SOX6: variants seen among roughly 807,000 people sequenced by gnomAD.
SOX6 encodes the protein transcription factor SOX-6.
In SOX6, 11 loss-of-function variants were observed where a neutral mutation model predicts 97.8. The ratio of observed to expected loss-of-function variants is 0.11; its 90% CI spans 0.07 to 0.19. The LOEUF (loss-of-function observed/expected upper bound fraction) is 0.19, where lower values mean the gene tolerates loss of function less well. Among genes scored for constraint, SOX6 ranks in the 10% least tolerant of loss-of-function variants. SOX6 has a pLI of 1.00. For missense variants in SOX6, 810 were observed against 1,039.5 expected, an observed-to-expected ratio of 0.78 and a Z score of 3.04; for synonymous variants, 360 against 371.4, an observed-to-expected ratio of 0.97 and a Z score of 0.35.
intron 3 of SOX6, among the ~76,000 whole-genome samples, chr11:16,636,673 G>A (rs553211682): frequency 1.1e-4 from 17 of 152,256 alleles, no homozygotes; most frequent in African/African-American, 3.8e-4. Context: ...TTAAACTGTA[G>A]TTCCCATAAT....
intron 1 of SOX6, among the ~76,000 whole-genome samples, chr11:16,435,178 G>A (rs957328037): frequency 6.6e-6 from 1 of 151,800 alleles, no homozygotes; most frequent in African/African-American, 2.4e-5. Context: ...AATTTTTCAG[G>A]GTACAAAAAT....
intron 9 of SOX6, among the ~76,000 whole-genome samples, chr11:16,060,942 CAAATAACA>C (rs1412192229): frequency 3.3e-5 from 5 of 151,654 alleles, no homozygotes; most frequent in Non-Finnish European, 7.4e-5. Context: ...TGGTGCCTTG[CAAATAACA>C]GATACCCAAT....
chr11:16,259,391 A>G (rs1253859395), intron 3 of SOX6, among the ~76,000 whole-genome samples: 1 of 152,082 alleles, frequency 6.6e-6, no homozygotes, highest in African/African-American at 2.4e-5. Context: ...TGCAATCCCA[A>G]TTAAAATCCC....
intron 4 of SOX6, among the ~76,000 whole-genome samples, chr11:16,539,316 T>A (rs753242514): frequency 5.3e-5 from 8 of 152,066 alleles, no homozygotes; most frequent in African/African-American, 1.7e-4. Flanking sequence ...ACACATTTAA[T>A]GCAGTGTGTA....
intron 3 of SOX6, among the ~76,000 whole-genome samples, chr11:16,306,923 C>T (rs2134283142): frequency 6.6e-6 from 1 of 152,206 alleles, no homozygotes; most frequent in South Asian, 2.1e-4. Context: ...TACGCTCAGC[C>T]TACATCCTCG....
intron 1 of SOX6, among the ~76,000 whole-genome samples, chr11:16,440,942 C>T (rs1859492422): frequency 6.6e-6 from 1 of 152,150 alleles, no homozygotes; most frequent in Non-Finnish European, 1.5e-5. Flanking sequence ...TGAAAAATGA[C>T]TTTTTCATAC....
rs893024573 is a variant in SOX6, at chr11:15,972,141, T to A, written c.*668A>T. 6.5e-6 allele frequency: 1 copy of A among 152,690 alleles called. No individual in the cohort carries two copies. Among genetic ancestry groups the A allele is most frequent in the Non-Finnish European group, 1.5e-5 (1 of 68,144 alleles). 9.5% of individuals were successfully genotyped at this position (152,690 alleles called of 1,614,324 possible). A position where few individuals can be genotyped will look rare whatever the true frequency, so the allele number is the denominator to read the frequency against. On this transcript the variant is annotated 3_prime_UTR_variant, in exon 16 of 16. Coordinates refer to ENST00000683767, the MANE Select transcript of SOX6 (RefSeq NM_001367873.1). ...CCTTACCATTTTCTGGAAAAAAAAATGTTGGTTTGCTATTTTATTTTAAGA... is the reference window on the plus strand; with the variant it reads ...CCTTACCATTTTCTGGAAAAAAAAAAGTTGGTTTGCTATTTTATTTTAAGA...
rs1590196056 is a variant in SOX6 at position 16,419,387 on chromosome 11, A to C, written c.-5+56928T>G. ...ATGCTTTTCCATATAAACTAGTAAA[A>C]AAATCATATTTCTTTCTCCTTTAGG... On this transcript the variant is annotated intron_variant, in intron 1 of 15. Coordinates refer to the SOX6 transcript ENST00000396356. Among the ~76,000 whole-genome samples the C allele has an allele frequency of 2.6e-5, 4 of 152,188 alleles. No homozygotes were observed. The South Asian group carries it at 6.2e-4, about 24-fold the overall frequency.
intron 4 of SOX6, among the ~76,000 whole-genome samples, chr11:16,560,422 CAT>C (rs144661465): frequency 1.8e-4 from 20 of 113,140 alleles, no homozygotes; most frequent in Non-Finnish European, 1.2e-4. Flanking sequence ...TATATACGTA[CAT>C]ATGTTTATAC....
chr11:16,059,497 T>C (rs1847895409), intron 9 of SOX6, among the ~76,000 whole-genome samples: 1 of 151,870 alleles, frequency 6.6e-6, no homozygotes, highest in Non-Finnish European at 1.5e-5. Flanking sequence ...ATCATTCAGA[T>C]GGACAAATAA....
chr11:16,734,725 C>A (rs1206464680), intron 2 of SOX6, among the ~76,000 whole-genome samples: 1 of 152,174 alleles, frequency 6.6e-6, no homozygotes, highest in Non-Finnish European at 1.5e-5. Flanking sequence ...CCTCTCTAAC[C>A]TCACCGATTC....
intron 6 of SOX6, among the ~76,000 whole-genome samples, chr11:16,123,470 C>T (rs568998454): frequency 6.6e-6 from 1 of 151,994 alleles, no homozygotes; most frequent in African/African-American, 2.4e-5. Context: ...GATTGGGGGG[C>T]AGGGAGATAA....
intron 6 of SOX6, among the ~76,000 whole-genome samples, chr11:16,173,620 T>A (rs916423717): frequency 8.0e-5 from 12 of 150,400 alleles, no homozygotes. Context: ...TTGTTTTTTT[T>A]AAAGAAACTA....
intron 1 of SOX6, among the ~76,000 whole-genome samples, chr11:16,456,117 T>C (rs1859806144): frequency 6.6e-6 from 1 of 152,118 alleles, no homozygotes; most frequent in African/African-American, 2.4e-5. Flanking sequence ...GCTATGAACC[T>C]TGTATGTCTT....
chr11:15,989,613 C>G (rs866481248), intron 13 of SOX6, among the ~76,000 whole-genome samples: 3 of 152,198 alleles, frequency 2.0e-5, no homozygotes, highest in South Asian at 2.1e-4. Flanking sequence ...TATATGTTTC[C>G]CAAAAATAGA....
intron 4 of SOX6, among the ~76,000 whole-genome samples, chr11:16,570,596 C>T (rs1167980461): frequency 6.6e-6 from 1 of 152,146 alleles, no homozygotes; most frequent in Admixed American, 6.5e-5. Flanking sequence ...ATAATTAGCT[C>T]TCTTGGGAGC....
At chr11:16,055,961 A>C in intron 9 of SOX6, 60 bp from the exon 10 acceptor site, 1 of 1,580,652 alleles carries the variant, frequency 6.3e-7, no homozygotes, top group Non-Finnish European at 8.6e-7. Flanking sequence ...TGAGTTTCAA[A>C]AGAAAAAACT....
intron 4 of SOX6, among the ~76,000 whole-genome samples, chr11:16,224,428 A>G (rs1852625538): frequency 6.6e-6 from 1 of 152,080 alleles, no homozygotes; most frequent in South Asian, 2.1e-4. Context: ...CAATGATTCT[A>G]ATGTATCATA....
intron 4 of SOX6, among the ~76,000 whole-genome samples, chr11:16,231,316 A>C (rs1312968446): frequency 6.6e-6 from 1 of 151,774 alleles, no homozygotes. Flanking sequence ...TTAAAGAAAA[A>C]ATGGGCAACC....
Sources: gnomAD v4.1 joint callset for allele counts (sites outside exome capture counted in the v4.1 genomes callset) on GRCh38, gnomAD v4.1.1 for gene constraint, MANE v1.5 for transcripts, NCBI Gene and HGNC (gene_info 2026-07-23, HGNC 2026-07-21) for gene names.